Variants in CDH10 observed in about 807,000 individuals in gnomAD.
CDH10 encodes cadherin 10.
A neutral mutation model predicts 73.1 loss-of-function variants in CDH10; 30 were observed. The ratio of observed to expected loss-of-function variants is 0.41; its 90% CI spans 0.31 to 0.56. The LOEUF is 0.56. Ranked by LOEUF, CDH10 falls within the 20% of genes least tolerant of loss-of-function variation. The pLI, the probability that CDH10 is intolerant of heterozygous loss-of-function variation, is 0.27. For synonymous variants in CDH10, 345 were observed against 348.2 expected, an observed-to-expected ratio of 0.99 and a Z score of 0.10; for missense variants, 815 against 973.7, an observed-to-expected ratio of 0.84 and a Z score of 2.17.
At chr5:24,636,052 A>C in intron 1 of CDH10, among the ~76,000 whole-genome samples, 1 of 151,710 alleles carries the variant, frequency 6.6e-6, no homozygotes, top group East Asian at 1.9e-4. Context: ...AATACAACAC[A>C]CTCAATATTC....
In CDH10 at chr5:24,540,312, T is replaced by A. The variant is rs115759299; in HGVS notation, c.232-2638A>T. 5.8e-3 allele frequency among the ~76,000 whole-genome samples: 883 copies of A among 152,036 alleles called. 8 individuals are homozygous for A. Among genetic ancestry groups the A allele is most frequent in the African/African-American group, 0.021 (855 of 41,538 alleles). ...AATATAGATTTGGAATGAAGAAGGA[T>A]CTAAGGCAAGATAGAGGTCATTAAA... On this transcript the variant is annotated intron_variant, in intron 2 of 11. Transcript: ENST00000264463.
chr5:24,597,510 C>T (rs1376238850), intron 1 of CDH10, among the ~76,000 whole-genome samples: 1 of 152,076 alleles, frequency 6.6e-6, no homozygotes, highest in Admixed American at 6.6e-5. Flanking sequence ...TTTCTAAGTA[C>T]TCTAAGGCCT....
chr5:24,562,910 T>C (rs1044389767), intron 2 of CDH10, among the ~76,000 whole-genome samples: 2 of 152,244 alleles, frequency 1.3e-5, no homozygotes, highest in African/African-American at 4.8e-5. Context: ...TGACAGCAAG[T>C]TGTCAACTTG....
chr5:24,638,174 C>T (rs566474117), intron 1 of CDH10, among the ~76,000 whole-genome samples: 3 of 150,768 alleles, frequency 2.0e-5, no homozygotes, highest in East Asian at 3.9e-4. Flanking sequence ...TTTTAAGTAT[C>T]GATAGCAAGT....
At chr5:24,593,721 C>G (rs1420082456) in intron 1 of CDH10, 108 bp from the exon 2 acceptor site, 3 of 483,294 alleles carry the variant, frequency 6.2e-6, no homozygotes, top group Non-Finnish European at 7.3e-6. Context: ...CCAAAACATT[C>G]ATTTTCTTTA....
At chr5:24,579,740 T>C (rs904929651) in intron 2 of CDH10, among the ~76,000 whole-genome samples, 6 of 152,112 alleles carry the variant, frequency 3.9e-5, no homozygotes, top group African/African-American at 1.4e-4. Context: ...TTATTCTCAG[T>C]TTCATTCATT....
At chr5:24,596,013 T>C (rs1038284195) in intron 1 of CDH10, among the ~76,000 whole-genome samples, 1 of 151,932 alleles carries the variant, frequency 6.6e-6, no homozygotes, top group African/African-American at 2.4e-5. Flanking sequence ...TTAATACTGA[T>C]GCAAGATAAT....
chr5:24,556,827 G>A (rs1409812596), intron 2 of CDH10, among the ~76,000 whole-genome samples: 5 of 151,572 alleles, frequency 3.3e-5, no homozygotes, highest in Non-Finnish European at 5.9e-5. Context: ...AAAGTTAATT[G>A]AGCATAATTT....
Position 24,644,890 on chromosome 5 carries a change from G to A in CDH10, c.-420C>T, listed in dbSNP as rs1013814686. 2 of 152,084 alleles carry A rather than the reference G, an allele frequency of 1.3e-5. No homozygotes were observed. Among genetic ancestry groups the A allele is most frequent in the African/African-American group, 2.4e-5 (1 of 41,404 alleles). The allele number at this position is 152,084 out of a possible 1,614,324, so 9.4% of individuals were successfully genotyped here. A position where few individuals can be genotyped will look rare whatever the true frequency, so the allele number is the denominator to read the frequency against. On this transcript the variant is annotated 5_prime_UTR_variant, in exon 1 of 12. Transcript: ENST00000264463. ...AGCTCTTCCTCACACGGAGAGAAAG[G>A]TTCTGCTGATAGAGCTGCAGCACTC... is the stretch of plus-strand genomic sequence containing the variant.
chr5:24,567,860 TC>T (rs1209488079), intron 2 of CDH10, among the ~76,000 whole-genome samples: 5 of 152,094 alleles, frequency 3.3e-5, no homozygotes, highest in Non-Finnish European at 5.9e-5. Context: ...ATAAGTAGTA[TC>T]CCTTCTTCCT....
chr5:24,611,048 T>C (rs1318311791), intron 1 of CDH10, among the ~76,000 whole-genome samples: 1 of 152,220 alleles, frequency 6.6e-6, no homozygotes, highest in Admixed American at 6.5e-5. Context: ...TCTTATATTA[T>C]TTGTTGCTCC....
chr5:24,491,600 G>A lies in CDH10; in HGVS notation c.1852C>T (p.Leu618Phe), dbSNP rs139350220. 5.6e-6 allele frequency: 9 copies of A among 1,613,498 alleles called. No homozygotes were observed. Among genetic ancestry groups the A allele is most frequent in the South Asian group, 4.4e-5 (4 of 91,016 alleles). The change falls in exon 11 of 12, where the codon CTC (leucine) becomes TTC (phenylalanine). Residue 618 changes from leucine to phenylalanine, a missense_variant. Transcript: ENST00000264463. ...GLSTGALIAI[L>F]LCIIILLVIV... is the part of the protein sequence containing the mutation. ...CCCAGTAGAATGATGATGCAGAGGAGGATGGCGATCAAGGCCCCAGTGCTG... is the reference window on the plus strand; with the variant it reads ...CCCAGTAGAATGATGATGCAGAGGAAGATGGCGATCAAGGCCCCAGTGCTG...
In CDH10 at chr5:24,492,868, A is replaced by G; in HGVS notation, c.1573T>C (p.Phe525Leu). The G allele has an allele frequency of 6.3e-7, 1 of 1,595,686 alleles. No individual in the cohort carries two copies. Residue 525 changes from phenylalanine (F) to leucine (L), a missense_variant, in exon 10 of 12, where the codon TTT becomes CTT. By Grantham distance (22) the Phe-to-Leu change is conservative. Around this residue, in one of 3 missense-constraint regions of CDH10, gnomAD observed 516 missense variants for 636.6 expected, o/e 0.81. Coordinates refer to ENST00000264463, the MANE Select transcript of CDH10 (RefSeq NM_006727.5). ...GGATTGACAGCAGCTAAACTGAAAA[A>G]AAATTTCTGTCCACCTAAAGGGTCA... ...KDDPLGGQKFFFSLAAVNPNF... is the reference protein window; with the variant it reads ...KDDPLGGQKFLFSLAAVNPNF...
intron 5 of CDH10, among the ~76,000 whole-genome samples, chr5:24,522,153 CA>C (rs1446295527): frequency 8.8e-6 from 1 of 114,188 alleles, no homozygotes; most frequent in Non-Finnish European, 2.0e-5. Context: ...AAAAAACAAA[CA>C]AAACAAACAA....
At chr5:24,631,206 CTGTA>C (rs1229561788) in intron 1 of CDH10, among the ~76,000 whole-genome samples, 1 of 152,118 alleles carries the variant, frequency 6.6e-6, no homozygotes, top group African/African-American at 2.4e-5. Flanking sequence ...AAAGCTAACA[CTGTA>C]TGTCATCAAC....
In CDH10 at chr5:24,635,696, G is replaced by A. The variant is rs190701714; in HGVS notation, c.-124+8898C>T. ...ATTTAAGCTTTCAGGTTACATTCAA[G>A]TCTTTATGCAACTGACATTTTCACA... On this transcript the variant is annotated intron_variant, in intron 1 of 11. Transcript: ENST00000264463. Among the ~76,000 whole-genome samples the A allele has an allele frequency of 4.6e-5, 7 of 152,016 alleles. 1 individual carries two copies. The East Asian group carries it at 1.4e-3, about 29-fold the overall frequency.
chr5:24,617,192 T>A (rs1312067328), intron 1 of CDH10, among the ~76,000 whole-genome samples: 3 of 151,904 alleles, frequency 2.0e-5, no homozygotes, highest in Admixed American at 2.0e-4. Flanking sequence ...GTTAGCAGCA[T>A]CCCCAGCCTC....
chr5:24,514,828 A>G (rs115118059), intron 5 of CDH10, among the ~76,000 whole-genome samples: 1 of 152,156 alleles, frequency 6.6e-6, no homozygotes, highest in Non-Finnish European at 1.5e-5. Context: ...AATTTTAAAT[A>G]TAAGGAATAT....
intron 1 of CDH10, among the ~76,000 whole-genome samples, chr5:24,617,611 T>C (rs1202113918): frequency 2.6e-5 from 4 of 152,220 alleles, no homozygotes; most frequent in Non-Finnish European, 4.4e-5. Flanking sequence ...AAATACCATT[T>C]AATATTTATT....
Sources: gnomAD v4.1 joint callset for allele counts (sites outside exome capture counted in the v4.1 genomes callset) on GRCh38, gnomAD v4.1.1 for gene constraint, gnomAD v4.1.1 regional missense constraint, MANE v1.5 for transcripts, NCBI Gene and HGNC (gene_info 2026-07-23, HGNC 2026-07-21) for gene names.